Variants in TASP1 observed in about 807,000 individuals in gnomAD.
TASP1 encodes taspase 1.
In TASP1, 16 loss-of-function variants were observed where a neutral mutation model predicts 56.6. The ratio of observed to expected loss-of-function variants is 0.28; its 90% CI spans 0.19 to 0.43. The LOEUF is 0.43. Among genes scored for constraint, TASP1 ranks in the 20% least tolerant of loss-of-function variants. The pLI is 1.00. For missense variants in TASP1, 393 were observed against 511.6 expected (o/e 0.77, Z 2.24); for synonymous variants, 179 against 184.2 (o/e 0.97, Z 0.23).
intron 12 of TASP1, among the ~76,000 whole-genome samples, chr20:13,428,540 T>G (rs996765571): frequency 6.6e-6 from 1 of 152,176 alleles, no homozygotes; most frequent in African/African-American, 2.4e-5. Flanking sequence ...GAGAGAAAAT[T>G]AATTCTTTTC....
At chr20:13,263,347 C>A in the TASP1 span, among the ~76,000 whole-genome samples, 1 of 152,048 alleles carries the variant, frequency 6.6e-6, no homozygotes, top group African/African-American at 2.4e-5. Context: ...CCACCACCCC[C>A]TGCTTCCACT....
intron 8 of TASP1, among the ~76,000 whole-genome samples, chr20:13,550,034 AG>A (rs1457955787): frequency 6.6e-6 from 1 of 152,028 alleles, no homozygotes; most frequent in Non-Finnish European, 1.5e-5. Context: ...TATAGATTTA[AG>A]GTATAGCTTG....
At chr20:13,449,126 T>C (rs2043521170) in intron 11 of TASP1, among the ~76,000 whole-genome samples, 1 of 152,114 alleles carries the variant, frequency 6.6e-6, no homozygotes, top group South Asian at 2.1e-4. Context: ...ATCTACACTA[T>C]AGTCCAAAGG....
chr20:13,344,980 A>C, the TASP1 span, among the ~76,000 whole-genome samples: 142 of 152,258 alleles, frequency 9.3e-4, no homozygotes, highest in East Asian at 0.027. Context: ...AGCCTCACAC[A>C]GGCAAGCATG....
At chr20:13,596,567 CA>C (rs762120334) in intron 4 of TASP1, among the ~76,000 whole-genome samples, 2 of 151,978 alleles carry the variant, frequency 1.3e-5, no homozygotes, top group Non-Finnish European at 2.9e-5. Flanking sequence ...TAAATGCCCA[CA>C]AGAGAAAACA....
chr20:13,349,282 T>C, the TASP1 span, among the ~76,000 whole-genome samples: 1 of 152,214 alleles, frequency 6.6e-6, no homozygotes. Context: ...CATTTTATCA[T>C]TGCTAGTGCT....
chr20:13,544,161 T>A (rs998299639), intron 8 of TASP1, among the ~76,000 whole-genome samples: 1 of 152,214 alleles, frequency 6.6e-6, no homozygotes, highest in East Asian at 1.9e-4. Flanking sequence ...TCTCACTTTA[T>A]CTGTAAAAAA....
the TASP1 span, among the ~76,000 whole-genome samples, chr20:13,244,638 C>T: frequency 6.6e-6 from 1 of 152,208 alleles, no homozygotes; most frequent in Non-Finnish European, 1.5e-5. Flanking sequence ...CTATATACTT[C>T]CATAATTTAA....
chr20:13,625,529 C>G (rs893991337), intron 2 of TASP1, among the ~76,000 whole-genome samples: 1 of 152,208 alleles, frequency 6.6e-6, no homozygotes, highest in African/African-American at 2.4e-5. Context: ...TTTTCAAGAA[C>G]CTCTTTCCAA....
At chr20:13,156,388 C>T in the TASP1 span, among the ~76,000 whole-genome samples, 1 of 152,148 alleles carries the variant, frequency 6.6e-6, no homozygotes, top group East Asian at 1.9e-4. Context: ...AGAATTCACA[C>T]AATATGCTAT....
intron 11 of TASP1, among the ~76,000 whole-genome samples, chr20:13,442,259 C>T (rs544360284): frequency 6.6e-6 from 1 of 151,716 alleles, no homozygotes; most frequent in African/African-American, 2.4e-5. Context: ...TTCCACCACA[C>T]ACACACATAC....
chr20:13,155,913 A>T, the TASP1 span, among the ~76,000 whole-genome samples: 129 of 152,318 alleles, frequency 8.5e-4, no homozygotes, highest in Non-Finnish European at 1.4e-3. Context: ...TCAGGAAAAC[A>T]TTGCATGAAG....
intron 12 of TASP1, among the ~76,000 whole-genome samples, chr20:13,428,000 G>A (rs920899951): frequency 1.3e-5 from 2 of 152,108 alleles, no homozygotes; most frequent in African/African-American, 4.8e-5. Context: ...ATGAACTGTG[G>A]GCCTCAAATC....
At chr20:13,164,265 G>A in the TASP1 span, 1 of 453,582 alleles carries the variant, frequency 2.2e-6, no homozygotes, top group Non-Finnish European at 4.5e-6. Flanking sequence ...ACACAGAGAT[G>A]AGTATTTAAA....
At chr20:13,588,026 C>T (rs1370112703) in intron 4 of TASP1, among the ~76,000 whole-genome samples, 1 of 151,898 alleles carries the variant, frequency 6.6e-6, no homozygotes, top group Non-Finnish European at 1.5e-5. Flanking sequence ...GCTCGGGAGG[C>T]TGAGGTTGGA....
At chr20:13,487,455 C>T (rs1245465747) in intron 10 of TASP1, among the ~76,000 whole-genome samples, 1 of 152,184 alleles carries the variant, frequency 6.6e-6, no homozygotes, top group East Asian at 1.9e-4. Flanking sequence ...CTGGATTCAG[C>T]AGCAGGAATC....
At chr20:13,383,638 T>C in the TASP1 span, among the ~76,000 whole-genome samples, 1 of 152,286 alleles carries the variant, frequency 6.6e-6, no homozygotes, top group African/African-American at 2.4e-5. Context: ...CTTTTTGGCA[T>C]GTGGTGTGGA....
At chr20:13,524,908 T>C (rs1180808614) in intron 10 of TASP1, among the ~76,000 whole-genome samples, 3 of 152,192 alleles carry the variant, frequency 2.0e-5, no homozygotes, top group Non-Finnish European at 4.4e-5. Context: ...AGGATTACGG[T>C]GTGATACAGA....
the TASP1 span, among the ~76,000 whole-genome samples, chr20:13,374,886 A>C: frequency 6.6e-6 from 1 of 152,126 alleles, no homozygotes; most frequent in Non-Finnish European, 1.5e-5. Context: ...AATTAAAATA[A>C]TTTTAGCAGT....
Sources: gnomAD v4.1 joint callset for allele counts (sites outside exome capture counted in the v4.1 genomes callset) on GRCh38, gnomAD v4.1.1 for gene constraint, MANE v1.5 for transcripts, NCBI Gene and HGNC (gene_info 2026-07-23, HGNC 2026-07-21) for gene names.